The following KIAA1217 variants were observed in gnomAD, a reference collection of about 807,000 sequenced individuals.
The protein encoded by KIAA1217 is KIAA1217.
In KIAA1217, 88 loss-of-function variants were observed where a neutral mutation model predicts 163.9. The ratio of observed to expected loss-of-function variants is 0.54; its 90% CI spans 0.45 to 0.64. The LOEUF (loss-of-function observed/expected upper bound fraction) is 0.64. Among genes scored for constraint, KIAA1217 ranks in the 30% least tolerant of loss-of-function variants. The pLI is 0.00. For missense variants in KIAA1217, 2,372 were observed against 2,475.0 expected (o/e 0.96, Z 0.88); for synonymous variants, 903 against 923.1 (o/e 0.98, Z 0.39).
intron 1 of KIAA1217, among the ~76,000 whole-genome samples, chr10:23,850,904 A>T (rs1839277724): frequency 6.6e-6 from 1 of 151,958 alleles, no homozygotes; most frequent in Admixed American, 6.6e-5. Flanking sequence ...ATTTTAAACA[A>T]CCACGTCTCG....
rs1192435387 is a variant in KIAA1217, at chr10:24,473,666, A to C, written c.1285A>C (p.Ile429Leu). The C allele has an allele frequency of 6.2e-7, 1 of 1,614,098 alleles. No homozygotes were observed. The highest frequency in any genetic ancestry group is 8.5e-7 in the Non-Finnish European group (1 of 1,180,018). Reference protein sequence around the residue: ...DHIIAYHRTAIRSASAYCNPS... With the variant: ...DHIIAYHRTALRSASAYCNPS... Reference sequence around the variant, plus strand: ...CATCATTGCATATCACCGCACCGCCATCCGGTCAGCGAGTGCTTATTGTAA... The same window carrying C: ...CATCATTGCATATCACCGCACCGCCCTCCGGTCAGCGAGTGCTTATTGTAA... The change falls in exon 6 of 21, where the codon ATC (isoleucine) becomes CTC (leucine). Residue 429 changes from isoleucine (I) to leucine (L), a missense_variant. This residue lies in a region of KIAA1217 where 1,431 missense variants were observed against 1,470.3 expected (regional missense o/e 0.97). Coordinates refer to ENST00000376454, the MANE Select transcript of KIAA1217 (RefSeq NM_019590.5).
At chr10:24,140,223 G>T (rs546091521) in intron 2 of KIAA1217, among the ~76,000 whole-genome samples, 178 of 152,148 alleles carry the variant, frequency 1.2e-3, no homozygotes, top group Middle Eastern at 3.4e-3. Context: ...AGCTGGGCAA[G>T]GTGGCAGGCG....
rs867124333 is a variant in KIAA1217 at position 23,756,029 on chromosome 10, T to A, written c.-321+60795T>A. On this transcript the variant is annotated intron_variant, in intron 1 of 18. Coordinates refer to the KIAA1217 transcript ENST00000376462. Reference sequence around the variant, plus strand: ...AATAATGCAGCAGTGTGATCATAGCTCACTGCAGCCTCAAACTCCCAGGAT... The same window carrying A: ...AATAATGCAGCAGTGTGATCATAGCACACTGCAGCCTCAAACTCCCAGGAT... Among the ~76,000 whole-genome samples the A allele has an allele frequency of 2.0e-5, 3 of 152,050 alleles. No individual in the cohort carries two copies. In the South Asian group the frequency reaches 6.2e-4, roughly 32 times the overall value.
At chr10:24,125,765 A>G (rs1422767633) in intron 2 of KIAA1217, among the ~76,000 whole-genome samples, 2 of 152,188 alleles carry the variant, frequency 1.3e-5, no homozygotes, top group African/African-American at 2.4e-5. Flanking sequence ...TTCAGTTTTC[A>G]AGGATATTAG....
At chr10:23,901,020 T>C (rs1007965491) in intron 1 of KIAA1217, among the ~76,000 whole-genome samples, 1 of 152,140 alleles carries the variant, frequency 6.6e-6, no homozygotes, top group Non-Finnish European at 1.5e-5. Context: ...TTAATAAACA[T>C]TTGTTCACTT....
At chr10:24,091,129 G>A (rs774517502) in intron 2 of KIAA1217, among the ~76,000 whole-genome samples, 26 of 151,796 alleles carry the variant, frequency 1.7e-4, no homozygotes, top group Non-Finnish European at 4.4e-5. Flanking sequence ...AGTTTTTAAG[G>A]CGTTAAATCT....
At chr10:23,758,653 CCT>C (rs748582703) in intron 1 of KIAA1217, among the ~76,000 whole-genome samples, 1 of 117,884 alleles carries the variant, frequency 8.5e-6, no homozygotes, top group Non-Finnish European at 1.7e-5. Context: ...TCTCCCCCTC[CCT>C]CCCTCCCTCC....
chr10:23,824,791 G>A (rs1837822013), intron 1 of KIAA1217, among the ~76,000 whole-genome samples: 1 of 150,800 alleles, frequency 6.6e-6, no homozygotes. Flanking sequence ...TGGTGTGTAG[G>A]GCATTTATCA....
chr10:24,194,858 T>G (rs1415458937), intron 2 of KIAA1217, among the ~76,000 whole-genome samples: 1 of 149,484 alleles, frequency 6.7e-6, no homozygotes, highest in Non-Finnish European at 1.5e-5. Context: ...TCCTCCAGCC[T>G]TGGCCTCCCA....
At chr10:23,967,917 G>GTC (rs1170934190) in intron 1 of KIAA1217, among the ~76,000 whole-genome samples, 1 of 151,408 alleles carries the variant, frequency 6.6e-6, no homozygotes, top group Non-Finnish European at 1.5e-5. Context: ...GTGTGTGTGT[G>GTC]TGTGTGTGTG....
intron 2 of KIAA1217, among the ~76,000 whole-genome samples, chr10:24,288,531 G>A (rs1370926894): frequency 6.6e-6 from 1 of 152,220 alleles, no homozygotes; most frequent in Non-Finnish European, 1.5e-5. Context: ...TCAAGCCTTA[G>A]TGGGAGAGAT....
chr10:23,963,253 T>C (rs766392461), intron 1 of KIAA1217, among the ~76,000 whole-genome samples: 8 of 152,106 alleles, frequency 5.3e-5, no homozygotes, highest in Non-Finnish European at 7.4e-5. Context: ...CTTCTAATGC[T>C]CTCCCTTCCC....
In KIAA1217 at chr10:24,355,414, A is replaced by G. The variant is rs147514128; in HGVS notation, c.355-25455A>G. Among the ~76,000 whole-genome samples the G allele has an allele frequency of 1.0e-3, 159 of 152,296 alleles. 1 individual carries two copies. In the East Asian group the frequency reaches 0.011, roughly 11 times the overall value. The stretch of plus-strand genomic sequence containing the variant: ...GTGCCAGCATGGTCAGGTTCTGGTG[A>G]CAACCCTCTTTCTAGTTGGTAGACC... On this transcript the variant is annotated intron_variant, in intron 2 of 20. Coordinates refer to ENST00000376454, the MANE Select transcript of KIAA1217 (RefSeq NM_019590.5).
chr10:23,977,252 C>G (rs1169927846), intron 1 of KIAA1217, among the ~76,000 whole-genome samples: 1 of 152,146 alleles, frequency 6.6e-6, no homozygotes, highest in African/African-American at 2.4e-5. Context: ...GAATAAAGTG[C>G]CATCTTTCAT....
intron 1 of KIAA1217, among the ~76,000 whole-genome samples, chr10:23,843,627 G>A (rs905448091): frequency 6.6e-6 from 1 of 152,112 alleles, no homozygotes; most frequent in African/African-American, 2.4e-5. Flanking sequence ...TTTCAGTTGG[G>A]TTTGGCCAAT....
At chr10:24,088,587 T>A (rs1280185878) in intron 2 of KIAA1217, among the ~76,000 whole-genome samples, 4 of 121,450 alleles carry the variant, frequency 3.3e-5, no homozygotes, top group African/African-American at 1.0e-4. Flanking sequence ...AGAATGATGG[T>A]TTCCAGCTTC....
intron 2 of KIAA1217, among the ~76,000 whole-genome samples, chr10:24,271,190 G>A (rs1182254696): frequency 6.6e-6 from 1 of 151,952 alleles, no homozygotes; most frequent in East Asian, 1.9e-4. Flanking sequence ...TTCAATTTGG[G>A]ACTTATTTTC....
intron 2 of KIAA1217, among the ~76,000 whole-genome samples, chr10:24,221,236 C>A (rs1172819161): frequency 2.0e-5 from 3 of 151,982 alleles, no homozygotes; most frequent in Non-Finnish European, 4.4e-5. Context: ...GCAGATAGAG[C>A]AAGTTTGGGG....
At chr10:24,173,870 G>A (rs1032533339) in intron 2 of KIAA1217, among the ~76,000 whole-genome samples, 1 of 152,160 alleles carries the variant, frequency 6.6e-6, no homozygotes, top group African/African-American at 2.4e-5. Context: ...CCTTTTAAAT[G>A]TCCAAATTGC....
Sources: gnomAD v4.1 joint callset for allele counts (sites outside exome capture counted in the v4.1 genomes callset) on GRCh38, gnomAD v4.1.1 for gene constraint, gnomAD v4.1.1 regional missense constraint, MANE v1.5 for transcripts, NCBI Gene and HGNC (gene_info 2026-07-23, HGNC 2026-07-21) for gene names.